The following ADGRB3 variants were observed in gnomAD, a reference collection of about 807,000 sequenced individuals.
The protein encoded by ADGRB3 is adhesion G protein-coupled receptor B3.
A neutral mutation model predicts 193.4 loss-of-function variants in ADGRB3; 37 were observed. The observed-to-expected ratio is 0.19, with a 90% CI of 0.15 to 0.25. The LOEUF is 0.25. Ranked by LOEUF, ADGRB3 falls within the 10% of genes least tolerant of loss-of-function variation. ADGRB3 has a pLI of 1.00. For missense variants in ADGRB3, 1,637 were observed against 1,852.9 expected, an observed-to-expected ratio of 0.88 and a Z score of 2.14; for synonymous variants, 690 against 644.2, an observed-to-expected ratio of 1.07 and a Z score of -1.08.
intron 3 of ADGRB3, among the ~76,000 whole-genome samples, chr6:68,884,794 T>G (rs1289862225): frequency 2.0e-5 from 3 of 152,142 alleles, no homozygotes; most frequent in Non-Finnish European, 4.4e-5. Flanking sequence ...TTGTAAAAAT[T>G]TGGCCTTTTT....
chr6:69,037,645 TTCTCTC>T (rs377348716), intron 13 of ADGRB3, among the ~76,000 whole-genome samples: 5 of 149,518 alleles, frequency 3.3e-5, no homozygotes, highest in East Asian at 2.0e-4. Context: ...GGTGTTGTTG[TTCTCTC>T]TCTCTCTCTC....
At chr6:68,947,405 T>C (rs1200148000) in intron 6 of ADGRB3, among the ~76,000 whole-genome samples, 1 of 152,150 alleles carries the variant, frequency 6.6e-6, no homozygotes, top group East Asian at 1.9e-4. Context: ...TATTTGAGGA[T>C]AAATAAATTT....
At chr6:69,356,253 A>G (rs1414600018) in intron 28 of ADGRB3, among the ~76,000 whole-genome samples, 1 of 152,148 alleles carries the variant, frequency 6.6e-6, no homozygotes, top group Non-Finnish European at 1.5e-5. Flanking sequence ...TGATTTGTAC[A>G]ATAACATCAA....
chr6:68,839,080 TCACACACA>T (rs10591017), intron 3 of ADGRB3, among the ~76,000 whole-genome samples: 13 of 138,130 alleles, frequency 9.4e-5, no homozygotes, highest in African/African-American at 3.9e-4. Context: ...TGTCTCTCTG[TCACACACA>T]CACACACACA....
intron 17 of ADGRB3, among the ~76,000 whole-genome samples, chr6:69,077,708 T>C (rs560253360): frequency 4.6e-5 from 7 of 152,002 alleles, no homozygotes; most frequent in Non-Finnish European, 1.0e-4. Flanking sequence ...ATGACTCTTA[T>C]CTGTCACGAA....
At chr6:69,276,412 C>T (rs959515907) in intron 20 of ADGRB3, among the ~76,000 whole-genome samples, 1 of 152,172 alleles carries the variant, frequency 6.6e-6, no homozygotes, top group African/African-American at 2.4e-5. Context: ...TAAACAACCT[C>T]TCAAATATAA....
intron 26 of ADGRB3, among the ~76,000 whole-genome samples, chr6:69,353,377 C>T (rs1339175506): frequency 6.6e-6 from 1 of 152,028 alleles, no homozygotes; most frequent in African/African-American, 2.4e-5. Context: ...GTTTTGTTTC[C>T]CTTTTGTTTC....
At chr6:68,853,465 G>A (rs773697199) in intron 3 of ADGRB3, among the ~76,000 whole-genome samples, 12 of 151,394 alleles carry the variant, frequency 7.9e-5, no homozygotes, top group Non-Finnish European at 1.5e-4. Flanking sequence ...GGTAAAAACA[G>A]GTTTTCATTA....
At chr6:68,849,011 A>G (rs1285388281) in intron 3 of ADGRB3, among the ~76,000 whole-genome samples, 1 of 152,046 alleles carries the variant, frequency 6.6e-6, no homozygotes, top group Non-Finnish European at 1.5e-5. Flanking sequence ...AAAAGAGTAC[A>G]TATAAGATTG....
At chr6:69,063,700 T>C (rs961132849) in intron 16 of ADGRB3, among the ~76,000 whole-genome samples, 2 of 151,988 alleles carry the variant, frequency 1.3e-5, no homozygotes, top group African/African-American at 4.8e-5. Flanking sequence ...AAATCTTTCA[T>C]CTCAGAATGA....
At chr6:69,245,021 CTTT>C (rs1216312812) in intron 20 of ADGRB3, among the ~76,000 whole-genome samples, 1 of 152,084 alleles carries the variant, frequency 6.6e-6, no homozygotes, top group Non-Finnish European at 1.5e-5. Flanking sequence ...CCACCCCAGT[CTTT>C]TGCATTCGGA....
intron 17 of ADGRB3, among the ~76,000 whole-genome samples, chr6:69,155,034 A>G (rs1774793820): frequency 1.3e-5 from 2 of 152,190 alleles, no homozygotes; most frequent in Admixed American, 6.5e-5. Flanking sequence ...TTTTGCCCAC[A>G]TCTGATTATT....
intron 17 of ADGRB3, among the ~76,000 whole-genome samples, chr6:69,115,594 A>C (rs774311544): frequency 1.3e-5 from 2 of 152,250 alleles, no homozygotes; most frequent in Non-Finnish European, 2.9e-5. Context: ...TTAAAGTATA[A>C]TAAAAATAAA....
At chr6:68,800,566 C>T (rs1008118871) in intron 3 of ADGRB3, among the ~76,000 whole-genome samples, 2 of 152,020 alleles carry the variant, frequency 1.3e-5, no homozygotes, top group Non-Finnish European at 2.9e-5. Context: ...AAGGAGGTCA[C>T]TAGCAAAGGA....
chr6:69,274,096 A>G (rs949856359), intron 20 of ADGRB3, among the ~76,000 whole-genome samples: 2 of 152,182 alleles, frequency 1.3e-5, no homozygotes, highest in Non-Finnish European at 2.9e-5. Flanking sequence ...AAGCTGAAAT[A>G]GGCATTTTGA....
chr6:68,724,720 T>C (rs1765643711), intron 3 of ADGRB3, among the ~76,000 whole-genome samples: 1 of 151,442 alleles, frequency 6.6e-6, no homozygotes. Flanking sequence ...TAAAGAGACC[T>C]TCCCATTCTT....
chr6:69,234,292 C>T (rs1318245093), intron 18 of ADGRB3, among the ~76,000 whole-genome samples: 1 of 152,024 alleles, frequency 6.6e-6, no homozygotes, highest in Non-Finnish European at 1.5e-5. Context: ...AGGAAAGAAA[C>T]CTTCCAGATC....
chr6:68,959,964 A>G (rs1768186710), intron 8 of ADGRB3, among the ~76,000 whole-genome samples: 2 of 152,100 alleles, frequency 1.3e-5, no homozygotes, highest in Non-Finnish European at 1.5e-5. Flanking sequence ...CTACAATGTC[A>G]TACATAATAT....
chr6:69,095,890 C>T (rs1772861992), intron 17 of ADGRB3, among the ~76,000 whole-genome samples: 2 of 152,128 alleles, frequency 1.3e-5, no homozygotes, highest in Admixed American at 6.5e-5. Flanking sequence ...TCTTCATGTC[C>T]TAGGATTATC....
Sources: allele counts gnomAD v4.1 joint callset (sites outside exome capture counted in the v4.1 genomes callset), GRCh38; gene constraint gnomAD v4.1.1; transcripts MANE v1.5; gene names NCBI Gene and HGNC (gene_info 2026-07-23, HGNC 2026-07-21).